OS9: variants seen among roughly 807,000 people sequenced by gnomAD.
OS9 encodes protein OS-9.
OS9 carries 58 observed loss-of-function variants against 84.7 expected under a neutral mutation model. That is an observed-to-expected ratio of 0.68 (90% confidence interval 0.55 to 0.85). The LOEUF is 0.85. OS9 is among the 40% of genes least tolerant of loss of function. The pLI is 0.00. For synonymous variants in OS9, 278 were observed against 320.8 expected (o/e 0.87, Z 1.43); for missense variants, 760 against 850.9 (o/e 0.89, Z 1.33).
At chr12:57,695,569 A>G in intron 2 of OS9, 1 of 702,890 alleles carries the variant, frequency 1.4e-6, no homozygotes, top group Non-Finnish European at 2.6e-6. Context: ...CACAAGTGGA[A>G]AACAGACTTT....
Position 57,699,317 on chromosome 12 carries a change from T to G in OS9, c.579+2944T>G, listed in dbSNP as rs184034566. On this transcript the variant is annotated intron_variant, in intron 5 of 14. Transcript: ENST00000315970. ...CTGAATTGAACCCAGAGGTGGGGAG[T>G]TGTCCTTGTATCAGCCATAACTGAA... Among the ~76,000 whole-genome samples, 151 of 152,054 alleles carry G rather than the reference T, an allele frequency of 9.9e-4. 1 individual carries two copies. Among genetic ancestry groups the G allele is most frequent in the Admixed American group, 9.9e-3 (151 of 15,264 alleles).
chr12:57,714,393 T>A (rs569459795), intron 5 of OS9, among the ~76,000 whole-genome samples: 1 of 152,262 alleles, frequency 6.6e-6, no homozygotes, highest in African/African-American at 2.4e-5. Context: ...TTAGTAGAGA[T>A]GGGGTTTCTC....
chr12:57,711,433 A>G (rs1406310129), intron 5 of OS9, among the ~76,000 whole-genome samples: 1 of 127,894 alleles, frequency 7.8e-6, no homozygotes, highest in African/African-American at 3.1e-5. Flanking sequence ...TGCAACCTCC[A>G]CCTCCCGGGT....
chr12:57,699,594 A>G (rs1475791315), intron 5 of OS9, among the ~76,000 whole-genome samples: 1 of 152,242 alleles, frequency 6.6e-6, no homozygotes, highest in Admixed American at 6.5e-5. Flanking sequence ...AATCATAGTC[A>G]TTATTATTTT....
At chr12:57,719,937 G>T in intron 12 of OS9, 162 bp from the exon 13 acceptor site, 1 of 652,706 alleles carries the variant, frequency 1.5e-6, no homozygotes, top group Non-Finnish European at 2.7e-6. Context: ...GGCTGAACTG[G>T]GAGGGGCGGG....
At position 57,716,546 on chromosome 12, in the gene OS9, G is replaced by A. The variant is rs772356622; in HGVS notation, c.993+34G>A. The stretch of plus-strand genomic sequence containing the variant: ...AGCTGCCTCAGAGGAGCAGGATGGG[G>A]ATGGGGAGGGTCACTGCAGCTGGGG... On this transcript the variant is annotated intron_variant, in intron 8 of 14. Transcript: ENST00000315970. 3 of 1,542,476 alleles carry A rather than the reference G, an allele frequency of 1.9e-6. No individual in the cohort carries two copies. In the African/African-American group the frequency reaches 4.1e-5, roughly 21 times the overall value.
chr12:57,716,280 G>A, intron 7 of OS9, 87 bp downstream of exon 7: 1 of 513,992 alleles, frequency 1.9e-6, no homozygotes, highest in Non-Finnish European at 3.3e-6. Context: ...CTGGTGGGGT[G>A]GGGGGGGGTG....
chr12:57,712,320 G>A (rs997755832), intron 5 of OS9, among the ~76,000 whole-genome samples: 6 of 151,994 alleles, frequency 3.9e-5, no homozygotes, highest in Non-Finnish European at 7.4e-5. Context: ...CTTCATTTTC[G>A]TTCATTTTTG....
chr12:57,715,970 G>C lies in OS9; in HGVS notation c.790G>C (p.Asp264His). The C allele has an allele frequency of 6.2e-7, 1 of 1,611,140 alleles. No homozygotes were observed. The change falls in exon 6 of 15, where the codon GAC becomes CAC. Residue 264 changes from aspartate (D) to histidine (H), a missense_variant and splice_region_variant. Coordinates refer to ENST00000315970, the MANE Select transcript of OS9 (RefSeq NM_006812.4). ...EYMAYVQRQADSKQYGDKIIE... is the reference protein window; with the variant it reads ...EYMAYVQRQAHSKQYGDKIIE... Reference sequence around the variant, plus strand: ...CATGGCCTACGTTCAGAGGCAAGCCGGTGAGTAATTAGAGAAGGAGGAGAA... The same window carrying C: ...CATGGCCTACGTTCAGAGGCAAGCCCGTGAGTAATTAGAGAAGGAGGAGAA...
chr12:57,715,463 T>C (rs1266039495), intron 5 of OS9, among the ~76,000 whole-genome samples: 1 of 152,132 alleles, frequency 6.6e-6, no homozygotes, highest in African/African-American at 2.4e-5. Flanking sequence ...AAACATAAAT[T>C]GGTTACCTAC....
intron 5 of OS9, among the ~76,000 whole-genome samples, chr12:57,710,322 T>A (rs761230847): frequency 2.0e-5 from 3 of 152,228 alleles, no homozygotes; most frequent in Admixed American, 6.5e-5. Context: ...CTTTTTAATC[T>A]CTGTGGCATC....
At chr12:57,704,875 G>T (rs929295135) in intron 5 of OS9, among the ~76,000 whole-genome samples, 1 of 151,932 alleles carries the variant, frequency 6.6e-6, no homozygotes, top group Admixed American at 6.5e-5. Flanking sequence ...TAAAAAAGTA[G>T]AAAAGTGTGA....
At chr12:57,697,924 TACACACAC>T (rs61407014) in intron 5 of OS9, among the ~76,000 whole-genome samples, 26 of 91,604 alleles carry the variant, frequency 2.8e-4, no homozygotes, top group South Asian at 6.0e-4. Context: ...CACACACACA[TACACACAC>T]ACACACACAC....
At position 57,717,883 on chromosome 12, in the gene OS9, C is replaced by G; in HGVS notation, c.1059C>G (p.Asn353Lys). Residue 353 changes from asparagine to lysine, a missense_variant, in exon 10 of 15, where the codon AAC becomes AAG. Physicochemically the swap from Asn to Lys is moderately conservative, Grantham distance 94. Coordinates refer to ENST00000315970, the MANE Select transcript of OS9 (RefSeq NM_006812.4). ...CTTTCATCTCAGATTTTCAGAACAA[C>G]GTGCAGGTCAAAGTCATTCGAAGCC... is the stretch of plus-strand genomic sequence containing the variant. Reference protein sequence around the residue: ...ASGAPNDFQNNVQVKVIRSPA... With the variant: ...ASGAPNDFQNKVQVKVIRSPA... The G allele has an allele frequency of 1.9e-6, 3 of 1,599,250 alleles. No homozygotes were observed. Among genetic ancestry groups the G allele is most frequent in the Non-Finnish European group, 2.6e-6 (3 of 1,173,648 alleles).
At chr12:57,698,611 A>G (rs960310034) in intron 5 of OS9, among the ~76,000 whole-genome samples, 1 of 152,194 alleles carries the variant, frequency 6.6e-6, no homozygotes, top group Non-Finnish European at 1.5e-5. Context: ...TTGAACTGAC[A>G]TTGGAGGATG....
Position 57,694,302 on chromosome 12 carries a change from G to A in OS9, c.141G>A (p.Pro47=), listed in dbSNP as rs34299538. 2.5e-3 allele frequency: 4,008 copies of A among 1,614,124 alleles called. 81 individuals carry two copies. In the African/African-American group the frequency reaches 0.048, roughly 19 times the overall value. Residue 47 remains proline, a synonymous_variant, in exon 1 of 15, where the codon CCG becomes CCA. Transcript: ENST00000315970. ...SEMRYGIEIL[P]LPVMGGQSQS... ...TGCGTTATGGGATCGAGATCCTGCC[G>A]TTGCCTGTCATGGGAGGGCAGGTGA...
chr12:57,720,727 G>A, intron 14 of OS9, 57 bp from the exon 15 acceptor site: 2 of 1,553,390 alleles, frequency 1.3e-6, no homozygotes, highest in Non-Finnish European at 1.7e-6. Flanking sequence ...CCTGGCCCAG[G>A]ACTTCCCTGG....
At chr12:57,704,048 T>C (rs1449224476) in intron 5 of OS9, among the ~76,000 whole-genome samples, 1 of 152,236 alleles carries the variant, frequency 6.6e-6, no homozygotes, top group Non-Finnish European at 1.5e-5. Flanking sequence ...GTCCATTTTC[T>C]GCATCAGTTG....
intron 2 of OS9, 92 bp downstream of exon 2, chr12:57,695,018 A>T (rs1595023575): frequency 8.5e-7 from 1 of 1,173,270 alleles, no homozygotes; most frequent in East Asian, 2.4e-5. Flanking sequence ...GATCTAGGGG[A>T]CCTGTAGTGG....
Sources: gnomAD v4.1 joint callset for allele counts (sites outside exome capture counted in the v4.1 genomes callset) on GRCh38, gnomAD v4.1.1 for gene constraint, MANE v1.5 for transcripts, NCBI Gene and HGNC (gene_info 2026-07-23, HGNC 2026-07-21) for gene names.